Variants in GNA14 observed in about 807,000 individuals in gnomAD.
GNA14 encodes the protein G protein subunit alpha 14, also known as guanine nucleotide-binding protein subunit alpha-14.
A neutral mutation model predicts 42.0 loss-of-function variants in GNA14; 50 were observed. That is an observed-to-expected ratio of 1.19 (90% CI 0.95 to 1.51). The LOEUF (loss-of-function observed/expected upper bound fraction) is 1.51, where lower values mean the gene tolerates loss of function less well. Among genes scored for constraint, GNA14 ranks in the 40% most tolerant of loss-of-function variants. The pLI is 0.00. For synonymous variants in GNA14, 173 were observed against 163.1 expected, an observed-to-expected ratio of 1.06 and a Z score of -0.46; for missense variants, 473 against 446.2, an observed-to-expected ratio of 1.06 and a Z score of -0.54.
chr9:77,524,157 G>A (rs1050561823), intron 2 of GNA14, among the ~76,000 whole-genome samples: 1 of 152,132 alleles, frequency 6.6e-6, no homozygotes, highest in Admixed American at 6.5e-5. Context: ...AACAGAGTGA[G>A]CAAATACATA....
chr9:77,470,135 A>G (rs949190130), intron 2 of GNA14, among the ~76,000 whole-genome samples: 2 of 152,146 alleles, frequency 1.3e-5, no homozygotes, highest in African/African-American at 4.8e-5. Context: ...GAGGCGGAGA[A>G]TGCTCACGGG....
intron 2 of GNA14, among the ~76,000 whole-genome samples, chr9:77,466,464 A>G (rs918566897): frequency 2.6e-5 from 4 of 152,230 alleles, no homozygotes; most frequent in Admixed American, 6.5e-5. Flanking sequence ...GTTCATTTTT[A>G]TAATTTCTAT....
At chr9:77,433,484 T>C (rs1402466453) in intron 3 of GNA14, among the ~76,000 whole-genome samples, 1 of 151,932 alleles carries the variant, frequency 6.6e-6, no homozygotes, top group African/African-American at 2.4e-5. Context: ...CCTCCTAGGC[T>C]CAAGACATCC....
chr9:77,601,309 A>C (rs1823560594), intron 1 of GNA14, among the ~76,000 whole-genome samples: 1 of 152,228 alleles, frequency 6.6e-6, no homozygotes, highest in Non-Finnish European at 1.5e-5. Flanking sequence ...TGAACTAAGG[A>C]GCAAAAAGAT....
At chr9:77,567,682 C>T (rs1386740275) in intron 1 of GNA14, among the ~76,000 whole-genome samples, 1 of 152,084 alleles carries the variant, frequency 6.6e-6, no homozygotes, top group Non-Finnish European at 1.5e-5. Context: ...GCCTGGCCAA[C>T]ATGGCAAAAC....
At chr9:77,561,690 T>C (rs540912171) in intron 1 of GNA14, among the ~76,000 whole-genome samples, 93 of 152,342 alleles carry the variant, frequency 6.1e-4, no homozygotes, top group Non-Finnish European at 1.0e-3. Flanking sequence ...AAAAAATTTC[T>C]GGAAATGGAC....
intron 1 of GNA14, among the ~76,000 whole-genome samples, chr9:77,646,479 C>A (rs1824353632): frequency 6.6e-6 from 1 of 152,086 alleles, no homozygotes; most frequent in Non-Finnish European, 1.5e-5. Flanking sequence ...CCCTTTAAAC[C>A]CAGGGGATAA....
At chr9:77,629,042 G>GA (rs869045166) in intron 1 of GNA14, among the ~76,000 whole-genome samples, 44 of 150,346 alleles carry the variant, frequency 2.9e-4, no homozygotes, top group African/African-American at 7.6e-4. Flanking sequence ...GAATTTACAA[G>GA]AAAAAAAAAC....
chr9:77,526,788 C>T (rs1017925568), intron 2 of GNA14: 1 of 152,168 alleles, frequency 6.6e-6, no homozygotes, highest in Admixed American at 6.5e-5. Context: ...TTTGTTATAA[C>T]AGCCCTAGGA....
rs111930374 is a variant in GNA14, at chr9:77,559,728, A to T, written c.125-30475T>A. 8.9e-4 allele frequency among the ~76,000 whole-genome samples: 135 copies of T among 152,340 alleles called. 1 individual carries two copies. Among genetic ancestry groups the T allele is most frequent in the Non-Finnish European group, 1.6e-3 (112 of 68,032 alleles). On this transcript the variant is annotated intron_variant, in intron 1 of 6. Coordinates refer to ENST00000341700, the MANE Select transcript of GNA14 (RefSeq NM_004297.4). ...TTCACAAAGAAAGCACCATTTAAGA[A>T]ACAACCTGATATATGTGCATTCCCC...
intron 1 of GNA14, among the ~76,000 whole-genome samples, chr9:77,608,394 T>C (rs1823672192): frequency 6.6e-6 from 1 of 152,192 alleles, no homozygotes; most frequent in Non-Finnish European, 1.5e-5. Context: ...ATTTAGATGG[T>C]ATTTAGATGA....
chr9:77,528,526 C>G (rs1338717119), intron 2 of GNA14, among the ~76,000 whole-genome samples: 1 of 152,112 alleles, frequency 6.6e-6, no homozygotes, highest in Non-Finnish European at 1.5e-5. Context: ...CAAATGGCAG[C>G]TTGACACCAG....
intron 1 of GNA14, among the ~76,000 whole-genome samples, chr9:77,536,195 C>T (rs1353332160): frequency 6.6e-6 from 1 of 152,054 alleles, no homozygotes; most frequent in East Asian, 1.9e-4. Context: ...TGGCTGCTGT[C>T]TCAACAAAAG....
chr9:77,522,557 T>C (rs1237190835), intron 2 of GNA14, among the ~76,000 whole-genome samples: 2 of 152,198 alleles, frequency 1.3e-5, no homozygotes, highest in African/African-American at 4.8e-5. Context: ...CTTCCTGCTA[T>C]GGAAAGGTTG....
At chr9:77,520,052 A>G (rs888816638) in intron 2 of GNA14, among the ~76,000 whole-genome samples, 5 of 152,122 alleles carry the variant, frequency 3.3e-5, no homozygotes, top group African/African-American at 9.7e-5. Flanking sequence ...CTTCACCACT[A>G]TGCAACATAG....
chr9:77,532,315 G>C (rs931204625), intron 1 of GNA14, among the ~76,000 whole-genome samples: 3 of 152,094 alleles, frequency 2.0e-5, no homozygotes, highest in African/African-American at 7.2e-5. Flanking sequence ...CTCATCCATC[G>C]CTCCCATCAG....
intron 1 of GNA14, among the ~76,000 whole-genome samples, chr9:77,604,309 C>T (rs1025012265): frequency 2.6e-5 from 4 of 152,104 alleles, no homozygotes; most frequent in Admixed American, 1.3e-4. Context: ...ATCAACTATC[C>T]GGTAGAGATA....
chr9:77,564,724 T>C (rs1157743103), intron 1 of GNA14, among the ~76,000 whole-genome samples: 2 of 151,954 alleles, frequency 1.3e-5, no homozygotes, highest in African/African-American at 2.4e-5. Flanking sequence ...TCCCAGCTAC[T>C]TGGGAGGCTG....
At chr9:77,573,147 A>C (rs891260048) in intron 1 of GNA14, among the ~76,000 whole-genome samples, 1 of 152,134 alleles carries the variant, frequency 6.6e-6, no homozygotes, top group Non-Finnish European at 1.5e-5. Context: ...GGAGCATTAA[A>C]AGTAAAGATC....
Sources: gnomAD v4.1 joint callset for allele counts (sites outside exome capture counted in the v4.1 genomes callset) on GRCh38, gnomAD v4.1.1 for gene constraint, MANE v1.5 for transcripts, NCBI Gene and HGNC (gene_info 2026-07-23, HGNC 2026-07-21) for gene names.